The following LONP2 variants were observed in gnomAD, a reference collection of about 807,000 sequenced individuals.
The protein encoded by LONP2 is lon peptidase 2, peroxisomal, also known as lon protease homolog 2, peroxisomal.
LONP2 carries 60 observed loss-of-function variants against 85.6 expected under a neutral mutation model. The ratio of observed to expected loss-of-function variants is 0.70; its 90% CI spans 0.57 to 0.87. LONP2 has a LOEUF of 0.87. Among genes scored for constraint, LONP2 ranks in the 40% least tolerant of loss-of-function variants. The probability of loss-of-function intolerance (pLI) is 0.00; values close to 1 mark genes in which losing one functional copy is unlikely to be tolerated. For missense variants in LONP2, 860 were observed against 1,063.5 expected, an observed-to-expected ratio of 0.81 and a Z score of 2.66; for synonymous variants, 395 against 389.7, an observed-to-expected ratio of 1.01 and a Z score of -0.16.
At position 48,355,873 on chromosome 16, in the gene LONP2, A is replaced by G. The variant is rs879795118; in HGVS notation, c.*4071A>G. On this transcript the variant is annotated 3_prime_UTR_variant, in exon 15 of 15. Coordinates refer to ENST00000285737, the MANE Select transcript of LONP2 (RefSeq NM_031490.5). ...TTTAGTTTAAACTAGACTTAGGGATATGTGTATTTTACCGGTATTCCACGT... is the reference window on the plus strand; with the variant it reads ...TTTAGTTTAAACTAGACTTAGGGATGTGTGTATTTTACCGGTATTCCACGT... 3.9e-5 allele frequency: 6 copies of G among 152,242 alleles called. No individual in the cohort carries two copies. The highest frequency in any genetic ancestry group is 7.3e-5 in the Non-Finnish European group (5 of 68,046). 9.4% of individuals were successfully genotyped at this position (152,242 alleles called of 1,614,324 possible). A position where few individuals can be genotyped will look rare whatever the true frequency, so the allele number is the denominator to read the frequency against.
At chr16:48,347,410 A>G in intron 12 of LONP2, 97 bp from the exon 13 acceptor site, 1 of 1,149,974 alleles carries the variant, frequency 8.7e-7, no homozygotes, top group South Asian at 1.3e-5. Context: ...AAGTGGCTGA[A>G]GTCTTCTGTG....
chr16:48,347,374 A>ATGTT (rs1268924477), intron 12 of LONP2, 133 bp from the exon 13 acceptor site: 1 of 769,054 alleles, frequency 1.3e-6, no homozygotes, highest in African/African-American at 1.7e-5. Context: ...ACGCAGAATC[A>ATGTT]TGTTAGGTAA....
chr16:48,259,499 C>T (rs1365407090), intron 4 of LONP2, among the ~76,000 whole-genome samples: 1 of 152,166 alleles, frequency 6.6e-6, no homozygotes, highest in Admixed American at 6.5e-5. Flanking sequence ...TTGATGTGGA[C>T]AGGATGTGAA....
At chr16:48,268,085 A>G (rs1031757963) in intron 6 of LONP2, among the ~76,000 whole-genome samples, 2 of 152,254 alleles carry the variant, frequency 1.3e-5, no homozygotes, top group Non-Finnish European at 2.9e-5. Context: ...ATTATAAATA[A>G]GGAAATTTAT....
At chr16:48,309,924 G>T (rs571024704) in intron 11 of LONP2, among the ~76,000 whole-genome samples, 1 of 151,980 alleles carries the variant, frequency 6.6e-6, no homozygotes, top group East Asian at 1.9e-4. Context: ...CCCACATTTT[G>T]TATTGCTATC....
rs773050352 is a variant in LONP2 at position 48,296,013 on chromosome 16, A to G, written c.1384-2A>G. The stretch of plus-strand genomic sequence containing the variant: ...TTTAAAATGTTTTTTGTTCTCCCCT[A>G]GGTGTTGGATCCTGAACAAAACCAT... On this transcript the variant is annotated splice_acceptor_variant, in intron 8 of 14. Coordinates refer to ENST00000285737, the MANE Select transcript of LONP2 (RefSeq NM_031490.5). LOFTEE classifies it high-confidence loss of function. The G allele has an allele frequency of 2.5e-6, 4 of 1,613,762 alleles. No homozygotes were observed. The highest frequency in any genetic ancestry group is 3.4e-6 in the Non-Finnish European group (4 of 1,179,918).
At chr16:48,291,986 G>A (rs1012746545) in intron 8 of LONP2, among the ~76,000 whole-genome samples, 5 of 152,172 alleles carry the variant, frequency 3.3e-5, no homozygotes, top group Non-Finnish European at 7.3e-5. Flanking sequence ...AGGGGAATGG[G>A]CAGATATTGG....
intron 12 of LONP2, chr16:48,345,358 CA>C (rs1959929205): frequency 6.6e-6 from 1 of 152,142 alleles, no homozygotes; most frequent in South Asian, 2.1e-4. Context: ...AAAATTGTAC[CA>C]AATGACTTTT....
intron 8 of LONP2, among the ~76,000 whole-genome samples, chr16:48,284,343 C>A (rs764076242): frequency 6.6e-6 from 1 of 152,112 alleles, no homozygotes; most frequent in Non-Finnish European, 1.5e-5. Context: ...AGAAATTCTA[C>A]GGTGGGCAAA....
intron 11 of LONP2, among the ~76,000 whole-genome samples, chr16:48,331,854 A>G (rs1248049438): frequency 1.3e-5 from 2 of 152,130 alleles, no homozygotes; most frequent in Non-Finnish European, 1.5e-5. Flanking sequence ...GTGAGCCACC[A>G]CGCCTGGCCA....
rs775145931 is a variant in LONP2, at chr16:48,277,446, T to C, written c.1350T>C (p.Ser450=). 2 of 1,613,868 alleles carry C rather than the reference T, an allele frequency of 1.2e-6. No individual in the cohort carries two copies. The highest frequency in any genetic ancestry group is 2.2e-5 in the South Asian group (2 of 91,066). Reference sequence around the variant, plus strand: ...ATGAGGTTGACAAACTGGGAAAAAGTCTACAGGGTGATCCAGCAGCAGCTC... The same window carrying C: ...ATGAGGTTGACAAACTGGGAAAAAGCCTACAGGGTGATCCAGCAGCAGCTC... The part of the protein sequence containing the change: ...LLDEVDKLGK[S]LQGDPAAALL... The change falls in exon 8 of 15, where the codon AGT becomes AGC. Residue 450 remains serine, a synonymous_variant. Coordinates refer to ENST00000285737, the MANE Select transcript of LONP2 (RefSeq NM_031490.5).
At chr16:48,275,157 C>T (rs1375121482) in intron 7 of LONP2, among the ~76,000 whole-genome samples, 5 of 152,082 alleles carry the variant, frequency 3.3e-5, no homozygotes, top group African/African-American at 1.2e-4. Flanking sequence ...CACTGTGTGC[C>T]AGGGACCGTG....
In LONP2 at chr16:48,346,997, A is replaced by T. The variant is rs771558942; in HGVS notation, c.1939-510A>T. 6.6e-4 allele frequency among the ~76,000 whole-genome samples: 100 copies of T among 152,108 alleles called. No homozygotes were observed. The Middle Eastern group carries it at 0.01, about 16-fold the overall frequency. Reference sequence around the variant, plus strand: ...GAGACCACATCTCTACAAAAAATACAAAAATTAGCGGGTGTGGTGGCCTGT... The same window carrying T: ...GAGACCACATCTCTACAAAAAATACTAAAATTAGCGGGTGTGGTGGCCTGT... On this transcript the variant is annotated intron_variant, in intron 12 of 14. Transcript: ENST00000285737.
chr16:48,336,582 ACAGT>A, intron 12 of LONP2: 1 of 383,706 alleles, frequency 2.6e-6, no homozygotes, highest in South Asian at 1.9e-5. Context: ...GTGGAAAATT[ACAGT>A]CAAAGGGGGT....
At chr16:48,291,659 G>C (rs575360077) in intron 8 of LONP2, among the ~76,000 whole-genome samples, 18 of 152,302 alleles carry the variant, frequency 1.2e-4, no homozygotes, top group African/African-American at 3.9e-4. Context: ...ATTTTTGAAA[G>C]TGGCCCTGGA....
chr16:48,315,078 T>G (rs542755525), intron 11 of LONP2, among the ~76,000 whole-genome samples: 1 of 152,352 alleles, frequency 6.6e-6, no homozygotes, highest in East Asian at 1.9e-4. Context: ...TAAAAGCCTA[T>G]GAAGAAATTA....
intron 4 of LONP2, among the ~76,000 whole-genome samples, chr16:48,259,810 G>A (rs1375826134): frequency 6.6e-6 from 1 of 152,174 alleles, no homozygotes; most frequent in Non-Finnish European, 1.5e-5. Context: ...GATCAGGTCA[G>A]GGACTCAATT....
chr16:48,270,019 G>T lies in LONP2; in HGVS notation c.986G>T (p.Arg329Leu). The T allele has an allele frequency of 6.2e-7, 1 of 1,612,516 alleles. No individual in the cohort carries two copies. The highest frequency in any genetic ancestry group is 8.5e-7 in the Non-Finnish European group (1 of 1,179,278). The change falls in exon 7 of 15, where the codon CGC (arginine) becomes CTC (leucine). Residue 329 changes from arginine to leucine, a missense_variant. Around this residue, in one of 3 missense-constraint regions of LONP2, gnomAD observed 743 missense variants for 917.3 expected, o/e 0.81. Transcript: ENST00000285737. ...ELPWNKSTTD[R>L]LDIRAARILL... ...TTTCTGTTGGGTTATTTGACAGACCGCCTGGACATTAGGGCAGCCCGGATT... is the reference window on the plus strand; with the variant it reads ...TTTCTGTTGGGTTATTTGACAGACCTCCTGGACATTAGGGCAGCCCGGATT...
Position 48,270,234 on chromosome 16 carries a change from C to G in LONP2, c.1201C>G (p.Leu401Val). The change falls in exon 7 of 15, where the codon CTT (leucine) becomes GTT (valine). Residue 401 changes from leucine to valine, a missense_variant. Leu to Val is a conservative substitution (Grantham distance 32). This residue lies in a region of LONP2 where 743 missense variants were observed against 917.3 expected (regional missense o/e 0.81). Transcript: ENST00000285737. ...AGGTCGAGAGTTCCACAGGATTGCA[C>G]TTGGAGGAGTATGTGATCAGTCTGA... ...TLGREFHRIALGGVCDQSDIR... is the reference protein window; with the variant it reads ...TLGREFHRIAVGGVCDQSDIR... 2.5e-6 allele frequency: 4 copies of G among 1,613,986 alleles called. No homozygotes were observed. The highest frequency in any genetic ancestry group is 3.4e-6 in the Non-Finnish European group (4 of 1,179,912).
Sources: gnomAD v4.1 joint callset for allele counts (sites outside exome capture counted in the v4.1 genomes callset) on GRCh38, gnomAD v4.1.1 for gene constraint, gnomAD v4.1.1 regional missense constraint, MANE v1.5 for transcripts, NCBI Gene and HGNC (gene_info 2026-07-23, HGNC 2026-07-21) for gene names.